ANK3: variants seen among roughly 807,000 people sequenced by gnomAD.
ANK3 encodes ankyrin-3.
ANK3 carries 57 observed loss-of-function variants against 370.9 expected under a neutral mutation model. That is an observed-to-expected ratio of 0.15 (90% CI 0.12 to 0.19). The LOEUF is 0.19. ANK3 is among the 10% of genes least tolerant of loss of function. ANK3 has a pLI of 1.00. For synonymous variants in ANK3, 1,929 were observed against 1,946.3 expected (o/e 0.99, Z 0.23); for missense variants, 4,439 against 5,302.1 (o/e 0.84, Z 5.06).
chr10:60,314,918 A>C (rs7087252), intron 1 of ANK3, among the ~76,000 whole-genome samples: 88,431 of 152,096 alleles, frequency 0.58, 26,296 homozygotes, highest in South Asian at 0.78. Flanking sequence ...TCTCAGAGTT[A>C]AGTTAAAATT....
At chr10:60,342,146 C>A (rs1235202045) in intron 1 of ANK3, among the ~76,000 whole-genome samples, 2 of 152,206 alleles carry the variant, frequency 1.3e-5, no homozygotes, top group South Asian at 2.1e-4. Flanking sequence ...TATGACAAAA[C>A]CTTTGTCCTC....
rs1418735466 is a variant in ANK3 at position 60,696,821 on chromosome 10, C to T, written c.57+36442G>A. ...ATACTGAATGGGCAAAAACTGGAAG[C>T]ATTCCCTTTGAAAACTGGCACAAGA... is the stretch of plus-strand genomic sequence containing the variant. On this transcript the variant is annotated intron_variant, in intron 1 of 43. Transcript: ENST00000373827. Among the ~76,000 whole-genome samples, 24 of 142,874 alleles carry T rather than the reference C, an allele frequency of 1.7e-4. No individual in the cohort carries two copies. The South Asian group carries it at 5.5e-3, about 33-fold the overall frequency. 93.7% of individuals were successfully genotyped at this position (142,874 alleles called of 152,430 possible).
At chr10:60,524,163 C>T (rs1198654153) in intron 2 of ANK3, among the ~76,000 whole-genome samples, 1 of 152,056 alleles carries the variant, frequency 6.6e-6, no homozygotes, top group Non-Finnish European at 1.5e-5. Context: ...TTACAGACTC[C>T]TGATAATAAG....
At chr10:60,226,564 CATAGTA>C (rs1248843338) in intron 8 of ANK3, among the ~76,000 whole-genome samples, 12 of 25,842 alleles carry the variant, frequency 4.6e-4, no homozygotes, top group East Asian at 6.9e-3. Flanking sequence ...AGTATATATA[CATAGTA>C]TATGTATATA....
intron 25 of ANK3, among the ~76,000 whole-genome samples, chr10:60,121,635 G>A (rs1334243696): frequency 6.6e-6 from 1 of 150,946 alleles, no homozygotes; most frequent in Non-Finnish European, 1.5e-5. Flanking sequence ...AGGTTGCAGT[G>A]AGCCAAGGTA....
chr10:60,334,351 C>A (rs2052246085), intron 1 of ANK3, among the ~76,000 whole-genome samples: 1 of 152,124 alleles, frequency 6.6e-6, no homozygotes. Context: ...CACCCAAAAG[C>A]CACCACACCA....
intron 8 of ANK3, among the ~76,000 whole-genome samples, chr10:60,230,610 G>A (rs1442901161): frequency 6.6e-6 from 1 of 152,198 alleles, no homozygotes; most frequent in South Asian, 2.1e-4. Flanking sequence ...GGGTTTGGGG[G>A]CTGGGTGCGG....
At chr10:60,630,910 G>A (rs956740619) in intron 1 of ANK3, among the ~76,000 whole-genome samples, 1 of 152,100 alleles carries the variant, frequency 6.6e-6, no homozygotes, top group African/African-American at 2.4e-5. Context: ...AGAGATGATG[G>A]TATGACTTGT....
intron 2 of ANK3, among the ~76,000 whole-genome samples, chr10:60,549,630 T>A (rs1362078645): frequency 6.6e-6 from 1 of 152,164 alleles, no homozygotes; most frequent in Non-Finnish European, 1.5e-5. Context: ...TCTAGGCAAT[T>A]TGGCCACTTA....
At chr10:60,463,484 G>A (rs1174876289) in intron 2 of ANK3, among the ~76,000 whole-genome samples, 1 of 151,990 alleles carries the variant, frequency 6.6e-6, no homozygotes, top group Non-Finnish European at 1.5e-5. Flanking sequence ...TCATCTTTGG[G>A]TAAAATCACT....
chr10:60,135,257 G>C (rs1294832173), intron 24 of ANK3, among the ~76,000 whole-genome samples: 1 of 152,146 alleles, frequency 6.6e-6, no homozygotes, highest in Admixed American at 6.5e-5. Flanking sequence ...GATCTTCCAG[G>C]AACTGAGAGG....
rs757636476 is a variant in ANK3 at position 60,072,168 on chromosome 10, G to A, written c.8713C>T (p.Arg2905Cys). The A allele has an allele frequency of 3.8e-5, 62 of 1,613,586 alleles. No individual in the cohort carries two copies. The highest frequency in any genetic ancestry group is 1.6e-4 in the Middle Eastern group (1 of 6,080). Residue 2905 changes from arginine (R) to cysteine (C), a missense_variant, in exon 37 of 44, where the codon CGC (arginine) becomes TGC (cysteine). Transcript: ENST00000280772. Reference protein sequence around the residue: ...NEFMSVTERERKLLTNGSLSE... With the variant: ...NEFMSVTERECKLLTNGSLSE... ...AGAGAGCCGTTTGTTAACAATTTGC[G>A]TTCTCTCTCAGTCACAGACATAAAT... is the stretch of plus-strand genomic sequence containing the variant.
At chr10:60,590,014 T>A (rs538455738) in intron 2 of ANK3, among the ~76,000 whole-genome samples, 1 of 152,358 alleles carries the variant, frequency 6.6e-6, no homozygotes, top group South Asian at 2.1e-4. Flanking sequence ...TTACTCTGGA[T>A]ACACTTTATA....
chr10:60,303,169 T>C (rs1373155359), intron 1 of ANK3, among the ~76,000 whole-genome samples: 2 of 152,162 alleles, frequency 1.3e-5, no homozygotes, highest in Non-Finnish European at 2.9e-5. Context: ...TTGCATATGA[T>C]GTCAAAAGCT....
At chr10:60,497,315 A>G (rs1483118862) in intron 2 of ANK3, among the ~76,000 whole-genome samples, 2 of 152,178 alleles carry the variant, frequency 1.3e-5, no homozygotes, top group Non-Finnish European at 2.9e-5. Context: ...GGCCCAAGTA[A>G]GTTGTAATAA....
At chr10:60,119,018 C>T (rs1167782271) in intron 25 of ANK3, among the ~76,000 whole-genome samples, 2 of 152,186 alleles carry the variant, frequency 1.3e-5, no homozygotes, top group Non-Finnish European at 2.9e-5. Flanking sequence ...GAACAAATCT[C>T]ATACTTGATC....
intron 29 of ANK3, among the ~76,000 whole-genome samples, chr10:60,087,269 C>A (rs1051353929): frequency 4.6e-5 from 7 of 152,160 alleles, no homozygotes; most frequent in African/African-American, 1.4e-4. Flanking sequence ...GCAACTCATA[C>A]CCACATAAAA....
chr10:60,721,668 G>A (rs993100878), intron 1 of ANK3, among the ~76,000 whole-genome samples: 1 of 152,096 alleles, frequency 6.6e-6, no homozygotes, highest in Admixed American at 6.5e-5. Flanking sequence ...TAATGACACC[G>A]ATATCTAACT....
rs2096796233 is a variant in ANK3 at position 60,208,380 on chromosome 10, G to A, written c.997-147C>T. The A allele has an allele frequency of 4.6e-5, 32 of 700,118 alleles. No individual in the cohort carries two copies. In the South Asian group the frequency reaches 6.0e-4, roughly 13 times the overall value. 43.4% of individuals were successfully genotyped at this position (700,118 alleles called of 1,614,324 possible). On this transcript the variant is annotated intron_variant, in intron 9 of 43. Transcript: ENST00000280772. The stretch of plus-strand genomic sequence containing the variant: ...TGTAAAAGCTTTTGACAACTATTTT[G>A]AACTACAGCTATTTTTAAAACTGGT...
Sources: allele counts gnomAD v4.1 joint callset (sites outside exome capture counted in the v4.1 genomes callset), GRCh38; gene constraint gnomAD v4.1.1; transcripts MANE v1.5; gene names NCBI Gene and HGNC (gene_info 2026-07-23, HGNC 2026-07-21).